Variants in ENG observed in about 807,000 individuals in gnomAD.
The protein encoded by ENG is endoglin.
Under a neutral mutation model 71.0 loss-of-function variants are expected in ENG, and 17 were observed. The ratio of observed to expected loss-of-function variants is 0.24; its 90% confidence interval spans 0.16 to 0.36. ENG has a LOEUF of 0.36. ENG is among the 10% of genes least tolerant of loss of function. ENG has a pLI of 1.00. For missense variants in ENG, 749 were observed against 868.3 expected (o/e 0.86, Z 1.73); for synonymous variants, 360 against 366.9 (o/e 0.98, Z 0.21).
chr9:127,829,353 A>G (rs895907955), intron 3 of ENG, among the ~76,000 whole-genome samples: 1 of 152,184 alleles, frequency 6.6e-6, no homozygotes. Flanking sequence ...TTCAAAGACA[A>G]TGAAAAGATT....
At chr9:127,831,904 G>A (rs899543611) in intron 2 of ENG, among the ~76,000 whole-genome samples, 1 of 150,822 alleles carries the variant, frequency 6.6e-6, no homozygotes, top group Non-Finnish European at 1.5e-5. Context: ...TGTTGGCCAG[G>A]CTGGCTTTTC....
Position 127,843,118 on chromosome 9 carries a change from A to G in ENG, c.195T>C (p.His65=), listed in dbSNP as rs769288237. The change falls in exon 2 of 15, where the codon CAT becomes CAC. Residue 65 remains histidine, a synonymous_variant. Coordinates refer to ENST00000373203, the MANE Select transcript of ENG (RefSeq NM_001114753.3). ...CCGTTGGGAACTCCAGGAAGAGGAC[A>G]TGGACTTCAAGGATGGCATTGGGGG... is the stretch of plus-strand genomic sequence containing the variant. The part of the protein sequence containing the change: ...AQAPNAILEV[H]VLFLEFPTGP... The G allele has an allele frequency of 1.9e-6, 3 of 1,614,170 alleles. No homozygotes were observed. Among genetic ancestry groups the G allele is most frequent in the Non-Finnish European group, 1.7e-6 (2 of 1,180,008 alleles).
chr9:127,840,450 G>C (rs2131913348), intron 2 of ENG, among the ~76,000 whole-genome samples: 1 of 152,312 alleles, frequency 6.6e-6, no homozygotes, highest in East Asian at 1.9e-4. Flanking sequence ...ACAAAAATTA[G>C]CTGGGCATGG....
rs1588581706 is a variant in ENG, at chr9:127,825,137, C to T, written c.816+94G>A. 11 of 1,609,676 alleles carry T rather than the reference C, an allele frequency of 6.8e-6. No individual in the cohort carries two copies. In the East Asian group the frequency reaches 2.0e-4, roughly 29 times the overall value. The stretch of plus-strand genomic sequence containing the variant: ...GTATGGGCATAGGTGATTTGTCCTT[C>T]AGCTCAGCTCGGGGGTTCACCTTTC... On this transcript the variant is annotated intron_variant, in intron 6 of 14. Transcript: ENST00000373203.
rs201998874 is a variant in ENG at position 127,824,788 on chromosome 9, A to G, written c.991+12T>C. 6.6e-7 allele frequency: 1 copy of G among 1,506,152 alleles called. No homozygotes were observed. Among genetic ancestry groups the G allele is most frequent in the Non-Finnish European group, 8.9e-7 (1 of 1,122,966 alleles). 93.3% of individuals were successfully genotyped at this position (1,506,152 alleles called of 1,614,324 possible). A position where few individuals can be genotyped will look rare whatever the true frequency, so the allele number is the denominator to read the frequency against. ...GGGGAAGGGAAGGGAGGGGCAGGGG[A>G]AGGGTGCTCACCGCAGCTGGAGGCA... On this transcript the variant is annotated intron_variant, in intron 7 of 14. Transcript: ENST00000373203.
intron 1 of ENG, among the ~76,000 whole-genome samples, chr9:127,850,545 G>A (rs892126825): frequency 3.3e-5 from 5 of 152,218 alleles, no homozygotes; most frequent in African/African-American, 7.2e-5. Context: ...TGGTTCACAC[G>A]GCTCCTGCTC....
chr9:127,836,806 G>A lies in ENG; in HGVS notation c.219+6288C>T, dbSNP rs1265926442. 6.6e-6 allele frequency among the ~76,000 whole-genome samples: 1 copy of A among 150,604 alleles called. No homozygotes were observed. Among genetic ancestry groups the A allele is most frequent in the East Asian group, 2.0e-4 (1 of 4,976 alleles). The stretch of plus-strand genomic sequence containing the variant: ...GTGGGAGTAGTTTGGCTTTTTTTTT[G>A]AGACACAGTCTTGCTCTGTCACTCA... On this transcript the variant is annotated intron_variant, in intron 2 of 14. Transcript: ENST00000373203. This position sits in a 1 kb window ranked among gnomAD's most constrained non-coding sequence, Gnocchi z 4.0.
At chr9:127,831,980 G>A (rs1805515182) in intron 2 of ENG, among the ~76,000 whole-genome samples, 1 of 151,344 alleles carries the variant, frequency 6.6e-6, no homozygotes, top group South Asian at 2.1e-4. Context: ...GTGCAATCAT[G>A]GCTCACTGCA....
In ENG at chr9:127,818,711, G is replaced by C. The variant is rs1564452925; in HGVS notation, c.1428+5C>G. 6.2e-7 allele frequency: 1 copy of C among 1,613,880 alleles called. No homozygotes were observed. The highest frequency in any genetic ancestry group is 1.7e-5 in the Admixed American group (1 of 59,994). ...GGCCCGAGGGGTGACAGGCATGCCA[G>C]GTACCTGCACAAAGCTCTGCTGCCC... On this transcript the variant is annotated splice_donor_5th_base_variant and intron_variant, in intron 11 of 14. Coordinates refer to ENST00000373203, the MANE Select transcript of ENG (RefSeq NM_001114753.3).
chr9:127,845,536 C>T (rs941932020), intron 1 of ENG, among the ~76,000 whole-genome samples: 6 of 152,216 alleles, frequency 3.9e-5, no homozygotes, highest in Non-Finnish European at 5.9e-5. Context: ...GCCAGGCTGA[C>T]CTGGTTTGCC....
chr9:127,822,626 C>T (rs1830493314), intron 8 of ENG: 1 of 152,034 alleles, frequency 6.6e-6, no homozygotes, highest in Non-Finnish European at 1.5e-5. Context: ...ATAATATGTG[C>T]TTATTAAACA....
intron 2 of ENG, among the ~76,000 whole-genome samples, chr9:127,831,008 T>C (rs1471244677): frequency 6.6e-6 from 1 of 152,200 alleles, no homozygotes; most frequent in East Asian, 1.9e-4. Context: ...AAATTTTTAA[T>C]TGTTCAATGA....
chr9:127,823,800 G>C (rs1020821564), intron 8 of ENG, among the ~76,000 whole-genome samples: 1 of 148,342 alleles, frequency 6.7e-6, no homozygotes, highest in Non-Finnish European at 1.5e-5. Flanking sequence ...TTGTTCCTCA[G>C]CCTCCCAAGT....
chr9:127,819,719 A>G, intron 9 of ENG, 59 bp from the exon 10 acceptor site: 1 of 1,585,800 alleles, frequency 6.3e-7, no homozygotes, highest in Non-Finnish European at 8.6e-7. Context: ...AGGGTATCCC[A>G]CCCAATACGC....
At chr9:127,840,387 G>C (rs1403557598) in intron 2 of ENG, among the ~76,000 whole-genome samples, 2 of 152,224 alleles carry the variant, frequency 1.3e-5, no homozygotes, top group Non-Finnish European at 2.9e-5. Flanking sequence ...TTTGAGGTCA[G>C]GAGTTCAAAA....
At chr9:127,831,374 T>C (rs1470384900) in intron 2 of ENG, among the ~76,000 whole-genome samples, 1 of 150,652 alleles carries the variant, frequency 6.6e-6, no homozygotes, top group Non-Finnish European at 1.5e-5. Context: ...GTTGGCCAGG[T>C]TGGCTTTTTT....
intron 6 of ENG, 96 bp from the exon 7 acceptor site, chr9:127,825,070 T>C: frequency 1.3e-6 from 2 of 1,583,486 alleles, no homozygotes; most frequent in Non-Finnish European, 1.7e-6. Context: ...TCCTGCTGTG[T>C]CCCCACTCCT....
chr9:127,849,208 C>T (rs1393736910), intron 1 of ENG, among the ~76,000 whole-genome samples: 1 of 152,220 alleles, frequency 6.6e-6, no homozygotes, highest in East Asian at 1.9e-4. Context: ...AGGGGAACGA[C>T]GTAGCAGTAG....
Position 127,824,858 on chromosome 9 carries a change from C to T in ENG, c.933G>A (p.Val311=), listed in dbSNP as rs755739283. 3 of 1,608,484 alleles carry T rather than the reference C, an allele frequency of 1.9e-6. No homozygotes were observed. Among genetic ancestry groups the T allele is most frequent in the African/African-American group, 1.3e-5 (1 of 74,782 alleles). The change falls in exon 7 of 15, where the codon GTG becomes GTA. Residue 311 remains valine (V), a synonymous_variant. Coordinates refer to ENST00000373203, the MANE Select transcript of ENG (RefSeq NM_001114753.3). ...CCAGCGGTAGCTCCACGAAGGATGC[C>T]ACAATGCTGGCATTGAGCATCCGGG... ...GEARMLNASI[V]ASFVELPLAS... is the part of the protein sequence containing the mutation.
Sources: gnomAD v4.1 joint callset for allele counts (sites outside exome capture counted in the v4.1 genomes callset) on GRCh38, gnomAD v4.1.1 for gene constraint, Gnocchi (gnomAD v3.1) non-coding constraint, MANE v1.5 for transcripts, NCBI Gene and HGNC (gene_info 2026-07-23, HGNC 2026-07-21) for gene names.